NUSAP1: variants seen among roughly 807,000 people sequenced by gnomAD.
NUSAP1 encodes the protein nucleolar and spindle-associated protein 1.
NUSAP1 carries 32 observed loss-of-function variants against 52.8 expected under a neutral mutation model. The ratio of observed to expected loss-of-function variants is 0.61; its 90% CI spans 0.46 to 0.81. NUSAP1 has a LOEUF of 0.81. NUSAP1 is among the 40% of genes least tolerant of loss of function. NUSAP1 has a pLI of 0.00. For synonymous variants in NUSAP1, 195 were observed against 183.1 expected, an observed-to-expected ratio of 1.06 and a Z score of -0.52; for missense variants, 499 against 522.3, an observed-to-expected ratio of 0.96 and a Z score of 0.43.
rs904037264 is a variant in NUSAP1, at chr15:41,332,908, A to T, written c.-50A>T. ...GGCGCCAGGGATTTGAACCGCGCTG[A>T]CGAAGTTTGGTGATCCATCTTCCGA... On this transcript the variant is annotated 5_prime_UTR_variant, in exon 1 of 11. Transcript: ENST00000559596. The T allele has an allele frequency of 1.4e-6, 2 of 1,441,354 alleles. No individual in the cohort carries two copies. Among genetic ancestry groups the T allele is most frequent in the Non-Finnish European group, 1.9e-6 (2 of 1,039,584 alleles). The allele number at this position is 1,441,354 out of a possible 1,614,324, so 89.3% of individuals were successfully genotyped here. A position where few individuals can be genotyped will look rare whatever the true frequency, so the allele number is the denominator to read the frequency against.
chr15:41,352,250 G>A lies in NUSAP1; in HGVS notation c.448+1121G>A, dbSNP rs113923952. ...AGCCACCGCACCCGGCCTTCCTTTCGCTTTCTTTTGCCTACTAAACCTCTG... is the reference window on the plus strand; with the variant it reads ...AGCCACCGCACCCGGCCTTCCTTTCACTTTCTTTTGCCTACTAAACCTCTG... On this transcript the variant is annotated intron_variant, in intron 4 of 10. Coordinates refer to ENST00000559596, the MANE Select transcript of NUSAP1 (RefSeq NM_016359.5). Among the ~76,000 whole-genome samples the A allele has an allele frequency of 8.7e-3, 1,315 of 151,874 alleles. 14 individuals carry two copies. Among genetic ancestry groups the A allele is most frequent in the African/African-American group, 0.021 (859 of 41,476 alleles).
At chr15:41,344,367 G>C (rs766742536) in intron 2 of NUSAP1, 2 of 150,178 alleles carry the variant, frequency 1.3e-5, no homozygotes, top group Non-Finnish European at 3.0e-5. Context: ...GGCCAGGCGC[G>C]GTGGCTCACA....
At chr15:41,355,983 T>C in intron 4 of NUSAP1, 56 bp from the exon 5 acceptor site, 1 of 1,159,560 alleles carries the variant, frequency 8.6e-7, no homozygotes. Context: ...CGGCCACATA[T>C]TTCTTAATGA....
intron 7 of NUSAP1, among the ~76,000 whole-genome samples, chr15:41,371,303 A>C (rs781123024): frequency 1.3e-5 from 2 of 152,190 alleles, no homozygotes; most frequent in Non-Finnish European, 2.9e-5. Flanking sequence ...GAGAGCAGAA[A>C]AGACAAGAAC....
chr15:41,347,128 T>C (rs917716556), intron 2 of NUSAP1, among the ~76,000 whole-genome samples: 1 of 152,074 alleles, frequency 6.6e-6, no homozygotes, highest in Admixed American at 6.6e-5. Flanking sequence ...GCCGAGATTA[T>C]AGCACTGCAC....
At chr15:41,350,960 A>G in intron 3 of NUSAP1, 28 bp from the exon 4 acceptor site, 1 of 1,575,502 alleles carries the variant, frequency 6.3e-7, no homozygotes, top group Non-Finnish European at 8.6e-7. Context: ...TATCATCGAA[A>G]TCTTTTATTT....
chr15:41,371,840 G>A (rs2049711318), intron 8 of NUSAP1, among the ~76,000 whole-genome samples, 156 bp downstream of exon 8: 1 of 151,792 alleles, frequency 6.6e-6, no homozygotes, highest in Non-Finnish European at 1.5e-5. Flanking sequence ...GCGGGATCTC[G>A]GCTCACTGCA....
intron 1 of NUSAP1, 55 bp from the exon 2 acceptor site, chr15:41,342,331 C>A: frequency 8.4e-7 from 1 of 1,185,804 alleles, no homozygotes; most frequent in Non-Finnish European, 1.2e-6. Context: ...AAATATTCAA[C>A]GTATCTTCCT....
chr15:41,352,705 C>T (rs1390963249), intron 4 of NUSAP1, among the ~76,000 whole-genome samples: 1 of 151,940 alleles, frequency 6.6e-6, no homozygotes, highest in African/African-American at 2.4e-5. Flanking sequence ...TATAGGCATG[C>T]ACCACCACGC....
In NUSAP1 at chr15:41,377,264, T is replaced by G. The variant is rs1216049836; in HGVS notation, c.1192T>G (p.Phe398Val). Residue 398 changes from phenylalanine to valine, a missense_variant, in exon 10 of 11, where the codon TTC becomes GTC. Phe to Val is a conservative substitution (Grantham distance 50, BLOSUM62 -1). Coordinates refer to ENST00000559596, the MANE Select transcript of NUSAP1 (RefSeq NM_016359.5). Reference protein sequence around the residue: ...YLNQHVNRINFYKKTYKQPHL... With the variant: ...YLNQHVNRINVYKKTYKQPHL... Reference sequence around the variant, plus strand: ...AAATCAACATGTCAACAGAATTAACTTCTACAAGAAAACTTACAAACAACC... The same window carrying G: ...AAATCAACATGTCAACAGAATTAACGTCTACAAGAAAACTTACAAACAACC... 6.5e-7 allele frequency: 1 copy of G among 1,537,752 alleles called. No individual in the cohort carries two copies. The highest frequency in any genetic ancestry group is 2.4e-5 in the East Asian group (1 of 41,026).
chr15:41,358,204 T>C lies in NUSAP1; in HGVS notation c.606T>C (p.Tyr202=). 6.3e-7 allele frequency: 1 copy of C among 1,580,452 alleles called. No individual in the cohort carries two copies. Among genetic ancestry groups the C allele is most frequent in the Non-Finnish European group, 8.7e-7 (1 of 1,153,142 alleles). ...AGGAAATGGAGTCCATTGATCAATA[T>C]ATTGAGAGAAAAAAGAAACATTTTG... ...HFKEMESIDQ[Y]IERKKKHFEE... The change falls in exon 6 of 11, where the codon TAT becomes TAC. Residue 202 remains tyrosine, a synonymous_variant. Coordinates refer to ENST00000559596, the MANE Select transcript of NUSAP1 (RefSeq NM_016359.5).
Position 41,356,114 on chromosome 15 carries a change from A to G in NUSAP1, c.524A>G (p.Asn175Ser). 1 of 1,605,236 alleles carries G rather than the reference A, an allele frequency of 6.2e-7. No homozygotes were observed. The change falls in exon 5 of 11, where the codon AAT (asparagine) becomes AGT (serine). Residue 175 changes from asparagine to serine, a missense_variant. Asn to Ser is a conservative substitution (Grantham distance 46). Coordinates refer to ENST00000559596, the MANE Select transcript of NUSAP1 (RefSeq NM_016359.5). Reference sequence around the variant, plus strand: ...GATGAGTCATCCAAACCTGGAAAAAATAAAAGAACTGCAATCACTACTCCA... The same window carrying G: ...GATGAGTCATCCAAACCTGGAAAAAGTAAAAGAACTGCAATCACTACTCCA... ...YTDESSKPGK[N>S]KRTAITTPNF...
chr15:41,365,514 C>G lies in NUSAP1; in HGVS notation c.773C>G (p.Pro258Arg), dbSNP rs2049360928. ...QRRSQGRSCG[P>R]ASQSTLGLKG... ...CGCTCGCAAGGCCGGTCTTGTGGCC[C>G]TGCAAGTCAGAGTACCTTGGGTCTG... The change falls in exon 7 of 11, where the codon CCT (proline) becomes CGT (arginine). Residue 258 changes from proline (P) to arginine (R), a missense_variant. Pro to Arg is a moderately radical substitution (Grantham distance 103). Coordinates refer to ENST00000559596, the MANE Select transcript of NUSAP1 (RefSeq NM_016359.5). 1.9e-6 allele frequency: 3 copies of G among 1,612,720 alleles called. No individual in the cohort carries two copies. In the African/African-American group the frequency reaches 4.0e-5, roughly 22 times the overall value.
chr15:41,333,400 C>T (rs2047995433), intron 1 of NUSAP1, among the ~76,000 whole-genome samples: 1 of 152,046 alleles, frequency 6.6e-6, no homozygotes, highest in Non-Finnish European at 1.5e-5. Flanking sequence ...TGTCGTTAAT[C>T]GTTAGACAAT....
chr15:41,334,568 G>A (rs2048049289), intron 1 of NUSAP1, among the ~76,000 whole-genome samples: 2 of 152,190 alleles, frequency 1.3e-5, no homozygotes, highest in Admixed American at 6.5e-5. Flanking sequence ...AATTCCTTAG[G>A]CTTTTTTGCT....
rs73404978 is a variant in NUSAP1 at position 41,342,581 on chromosome 15, T to C, written c.162+127T>C. The C allele has an allele frequency of 5.1e-4, 354 of 700,002 alleles. 4 individuals carry two copies. The African/African-American group carries it at 6.1e-3, about 12-fold the overall frequency. 43.4% of individuals were successfully genotyped at this position (700,002 alleles called of 1,614,324 possible). On this transcript the variant is annotated intron_variant, in intron 2 of 10. Coordinates refer to ENST00000559596, the MANE Select transcript of NUSAP1 (RefSeq NM_016359.5). ...GGCCAGGTGTTGTGGCTCACGCCTATACTCCTAGCACTTTGGTAGGCAGTG... is the reference window on the plus strand; with the variant it reads ...GGCCAGGTGTTGTGGCTCACGCCTACACTCCTAGCACTTTGGTAGGCAGTG...
intron 7 of NUSAP1, among the ~76,000 whole-genome samples, chr15:41,371,238 A>G (rs1467515747): frequency 1.3e-5 from 2 of 152,178 alleles, no homozygotes; most frequent in African/African-American, 4.8e-5. Context: ...TGCCTCTTGG[A>G]CTATAATGAG....
chr15:41,333,229 T>G (rs1008250903), intron 1 of NUSAP1, among the ~76,000 whole-genome samples, 179 bp downstream of exon 1: 1 of 152,214 alleles, frequency 6.6e-6, no homozygotes, highest in Non-Finnish European at 1.5e-5. Context: ...GAAGAGGAAC[T>G]GTAGTTTTCA....
chr15:41,379,129 T>A (rs1464621862), intron 10 of NUSAP1, among the ~76,000 whole-genome samples: 1 of 151,586 alleles, frequency 6.6e-6, no homozygotes, highest in Non-Finnish European at 1.5e-5. Context: ...AATTTTTGTA[T>A]TTTTAGTAGA....
Sources: gnomAD v4.1 joint callset for allele counts (sites outside exome capture counted in the v4.1 genomes callset) on GRCh38, gnomAD v4.1.1 for gene constraint, MANE v1.5 for transcripts, NCBI Gene and HGNC (gene_info 2026-07-23, HGNC 2026-07-21) for gene names.